The following AUTS2 variants were observed in gnomAD, a reference collection of about 807,000 sequenced individuals.
The protein encoded by AUTS2 is activator of transcription and developmental regulator AUTS2.
AUTS2 carries 17 observed loss-of-function variants against 112.4 expected under a neutral mutation model. The observed-to-expected ratio is 0.15, with a 90% CI of 0.10 to 0.23. AUTS2 has a LOEUF of 0.23. Ranked by LOEUF, AUTS2 falls within the 10% of genes least tolerant of loss-of-function variation. The pLI, the probability that AUTS2 is intolerant of heterozygous loss-of-function variation, is 1.00. For missense variants in AUTS2, 1,510 were observed against 1,701.6 expected (o/e 0.89, Z 1.98); for synonymous variants, 751 against 702.7 (o/e 1.07, Z -1.09).
At chr7:70,159,200 G>A (rs369611588) in intron 4 of AUTS2, among the ~76,000 whole-genome samples, 4 of 152,238 alleles carry the variant, frequency 2.6e-5, no homozygotes, top group African/African-American at 4.8e-5. Flanking sequence ...ATGATATGGC[G>A]CATTTAGAAT....
At chr7:69,741,256 G>C (rs1787251078) in intron 1 of AUTS2, among the ~76,000 whole-genome samples, 1 of 152,100 alleles carries the variant, frequency 6.6e-6, no homozygotes, top group South Asian at 2.1e-4. Context: ...TTGGGAACTT[G>C]GCATCCTGGA....
chr7:70,261,470 C>T (rs987445386), intron 4 of AUTS2, among the ~76,000 whole-genome samples: 2 of 152,086 alleles, frequency 1.3e-5, no homozygotes, highest in African/African-American at 2.4e-5. Flanking sequence ...TACATTTTTT[C>T]TTTTATGTGT....
intron 4 of AUTS2, among the ~76,000 whole-genome samples, chr7:70,349,989 A>T (rs1268206277): frequency 7.2e-5 from 11 of 152,202 alleles, no homozygotes; most frequent in Admixed American, 7.2e-4. Flanking sequence ...TCTGTTGGCC[A>T]CTACAAAAGG....
chr7:69,610,397 T>A (rs1792969140), intron 1 of AUTS2, among the ~76,000 whole-genome samples: 1 of 152,206 alleles, frequency 6.6e-6, no homozygotes, highest in Admixed American at 6.5e-5. Context: ...AAATCGAATT[T>A]TTGTAAATTG....
intron 1 of AUTS2, among the ~76,000 whole-genome samples, chr7:69,685,959 A>G (rs1171445250): frequency 6.6e-6 from 1 of 152,164 alleles, no homozygotes; most frequent in African/African-American, 2.4e-5. Flanking sequence ...AGGTCTGAAA[A>G]CATGAAGGCC....
At chr7:70,574,275 C>G (rs1292057356) in intron 5 of AUTS2, among the ~76,000 whole-genome samples, 1 of 152,046 alleles carries the variant, frequency 6.6e-6, no homozygotes, top group East Asian at 1.9e-4. Flanking sequence ...GAAAAAAGGT[C>G]TTTTTTAAAA....
At position 70,788,132 on chromosome 7, in the gene AUTS2, CT is replaced by C. The variant is rs113849206; in HGVS notation, c.2531+712del. The stretch of plus-strand genomic sequence containing the variant: ...CGTAACGCATTCTTGACAAAAATGT[CT>C]TTTTTTTTTTCTTTCTTTAGGCTAT... On this transcript the variant is annotated intron_variant, in intron 18 of 18. Transcript: ENST00000342771. Among the ~76,000 whole-genome samples the C allele has an allele frequency of 6.1e-3, 923 of 151,244 alleles. 12 individuals are homozygous for C. The highest frequency in any genetic ancestry group is 0.05 in the East Asian group (257 of 5,134).
At chr7:69,928,210 T>C (rs553404474) in intron 2 of AUTS2, among the ~76,000 whole-genome samples, 2 of 152,096 alleles carry the variant, frequency 1.3e-5, no homozygotes, top group East Asian at 3.9e-4. Context: ...ATTTAGGAAG[T>C]GTGTGCTGAT....
At chr7:70,338,337 T>A (rs932159527) in intron 4 of AUTS2, among the ~76,000 whole-genome samples, 3 of 152,192 alleles carry the variant, frequency 2.0e-5, no homozygotes, top group Admixed American at 2.0e-4. Context: ...GAATGCCTAA[T>A]TACATGTTGG....
intron 2 of AUTS2, among the ~76,000 whole-genome samples, chr7:70,066,930 C>T (rs1168776398): frequency 1.3e-5 from 2 of 152,184 alleles, no homozygotes; most frequent in African/African-American, 2.4e-5. Flanking sequence ...TCTATTTGTC[C>T]TCCCCTGAGA....
chr7:70,742,678 C>T (rs533264368), intron 6 of AUTS2, among the ~76,000 whole-genome samples: 7 of 152,280 alleles, frequency 4.6e-5, no homozygotes, highest in Non-Finnish European at 8.8e-5. Context: ...AGGAGAATAG[C>T]TTGAACCCGG....
intron 3 of AUTS2, among the ~76,000 whole-genome samples, chr7:70,124,261 G>T (rs1252645379): frequency 1.3e-4 from 20 of 151,914 alleles, no homozygotes; most frequent in Admixed American, 1.3e-3. Context: ...TTAGACCTTT[G>T]TCAGATGCAT....
chr7:70,395,022 A>G (rs1341085010), intron 4 of AUTS2, among the ~76,000 whole-genome samples: 2 of 152,158 alleles, frequency 1.3e-5, no homozygotes, highest in African/African-American at 4.8e-5. Flanking sequence ...TCATTACCCT[A>G]TAAGAAGATA....
intron 1 of AUTS2, among the ~76,000 whole-genome samples, chr7:69,804,173 C>T (rs776237514): frequency 7.2e-5 from 11 of 152,158 alleles, no homozygotes; most frequent in Non-Finnish European, 1.0e-4. Context: ...AGTATTTGAG[C>T]AGCAGTGACA....
At chr7:69,701,903 CT>C (rs1797831044) in intron 1 of AUTS2, among the ~76,000 whole-genome samples, 1 of 152,106 alleles carries the variant, frequency 6.6e-6, no homozygotes, top group African/African-American at 2.4e-5. Flanking sequence ...CCTCTGGTCT[CT>C]TGAGTGAAAT....
intron 5 of AUTS2, among the ~76,000 whole-genome samples, chr7:70,480,821 A>T (rs1275707579): frequency 2.6e-5 from 4 of 152,220 alleles, no homozygotes; most frequent in Non-Finnish European, 2.9e-5. Flanking sequence ...CATCATTTCT[A>T]GGATGACCAG....
intron 4 of AUTS2, among the ~76,000 whole-genome samples, chr7:70,205,887 G>A (rs563752784): frequency 2.0e-5 from 3 of 152,284 alleles, no homozygotes; most frequent in South Asian, 2.1e-4. Flanking sequence ...CTTGGTTCCC[G>A]TGGCTTTATC....
chr7:70,727,568 G>A (rs895573937), intron 6 of AUTS2, among the ~76,000 whole-genome samples: 4 of 152,176 alleles, frequency 2.6e-5, no homozygotes, highest in South Asian at 2.1e-4. Flanking sequence ...GGCTGGTCTC[G>A]AACTCCTGAT....
At chr7:70,615,072 G>C (rs1157021376) in intron 5 of AUTS2, among the ~76,000 whole-genome samples, 1 of 152,214 alleles carries the variant, frequency 6.6e-6, no homozygotes, top group East Asian at 1.9e-4. Context: ...AGAACAATTG[G>C]CTGGCTACAT....
Sources: allele counts gnomAD v4.1 joint callset (sites outside exome capture counted in the v4.1 genomes callset), GRCh38; gene constraint gnomAD v4.1.1; transcripts MANE v1.5; gene names NCBI Gene and HGNC (gene_info 2026-07-23, HGNC 2026-07-21).